Variants in NLGN1 observed in about 807,000 individuals in gnomAD.
NLGN1 encodes neuroligin-1.
In NLGN1, 12 loss-of-function variants were observed where a neutral mutation model predicts 65.5. The ratio of observed to expected loss-of-function variants is 0.18; its 90% CI spans 0.12 to 0.30. The LOEUF (loss-of-function observed/expected upper bound fraction) is 0.30. Ranked by LOEUF, NLGN1 falls within the 10% of genes least tolerant of loss-of-function variation. The probability of loss-of-function intolerance (pLI) is 1.00; values close to 1 mark genes in which losing one functional copy is unlikely to be tolerated. For missense variants in NLGN1, 750 were observed against 1,007.1 expected (o/e 0.74, Z 3.46); for synonymous variants, 350 against 359.5 (o/e 0.97, Z 0.30).
intron 3 of NLGN1, among the ~76,000 whole-genome samples, chr3:173,747,795 C>CTTCTTTTT (rs1560289220): frequency 1.7e-4 from 13 of 78,606 alleles, no homozygotes; most frequent in African/African-American, 8.1e-4. Context: ...TCTTCTTCTT[C>CTTCTTTTT]TTGTTCTTTT....
At chr3:173,711,185 G>T (rs559872324) in intron 3 of NLGN1, among the ~76,000 whole-genome samples, 57 of 152,242 alleles carry the variant, frequency 3.7e-4, no homozygotes, top group African/African-American at 1.3e-3. Flanking sequence ...ACATAGTTTT[G>T]TTAACCTCAT....
chr3:173,511,417 G>A (rs988300224), intron 2 of NLGN1, among the ~76,000 whole-genome samples: 6 of 151,872 alleles, frequency 4.0e-5, no homozygotes, highest in African/African-American at 7.3e-5. Context: ...TAACATTAGG[G>A]TACATTCTAA....
chr3:174,206,499 G>C (rs1735450075), intron 4 of NLGN1, among the ~76,000 whole-genome samples: 1 of 152,036 alleles, frequency 6.6e-6, no homozygotes, highest in South Asian at 2.1e-4. Flanking sequence ...TCTCATCCCT[G>C]CTGTCCACCA....
intron 4 of NLGN1, among the ~76,000 whole-genome samples, chr3:174,085,678 GAT>G (rs1743092060): frequency 6.7e-6 from 1 of 148,612 alleles, no homozygotes; most frequent in African/African-American, 2.5e-5. Flanking sequence ...AAAGAAAGTG[GAT>G]ATGTTTTTCT....
At chr3:173,790,850 C>T (rs1388340323) in intron 3 of NLGN1, among the ~76,000 whole-genome samples, 2 of 152,020 alleles carry the variant, frequency 1.3e-5, no homozygotes, top group Non-Finnish European at 2.9e-5. Flanking sequence ...GGCATTGTCT[C>T]CTGAGATGCT....
intron 3 of NLGN1, among the ~76,000 whole-genome samples, chr3:173,722,845 G>C (rs1172545955): frequency 6.6e-6 from 1 of 152,076 alleles, no homozygotes; most frequent in East Asian, 1.9e-4. Context: ...CATCTACTAT[G>C]TGCCAGGCAC....
chr3:174,015,052 A>G (rs1294365701), intron 4 of NLGN1, among the ~76,000 whole-genome samples: 1 of 152,192 alleles, frequency 6.6e-6, no homozygotes, highest in Non-Finnish European at 1.5e-5. Context: ...GGAGAAAAGC[A>G]TAGTCTTATT....
chr3:173,625,528 GTC>G (rs939366170), intron 3 of NLGN1, among the ~76,000 whole-genome samples: 1 of 152,126 alleles, frequency 6.6e-6, no homozygotes, highest in Non-Finnish European at 1.5e-5. Context: ...AGTGGAGAAA[GTC>G]TCTGTCTTCC....
At chr3:173,465,957 C>A (rs1005878346) in intron 2 of NLGN1, among the ~76,000 whole-genome samples, 5 of 152,106 alleles carry the variant, frequency 3.3e-5, no homozygotes, top group Non-Finnish European at 5.9e-5. Context: ...AGCTAGATTA[C>A]ATGTCAGTAA....
chr3:174,168,395 T>C (rs1375178634), intron 4 of NLGN1, among the ~76,000 whole-genome samples: 1 of 152,196 alleles, frequency 6.6e-6, no homozygotes, highest in East Asian at 1.9e-4. Context: ...TCTTCTTCTA[T>C]AATATTGTTT....
chr3:173,814,349 G>A (rs1718599397), intron 4 of NLGN1, among the ~76,000 whole-genome samples: 1 of 152,202 alleles, frequency 6.6e-6, no homozygotes, highest in Admixed American at 6.5e-5. Context: ...TGTCAACTGG[G>A]TTTTAATAAG....
chr3:174,255,754 G>A (rs1745631077), intron 4 of NLGN1, among the ~76,000 whole-genome samples: 1 of 151,532 alleles, frequency 6.6e-6, no homozygotes, highest in Admixed American at 6.6e-5. Flanking sequence ...TGATTCCTGG[G>A]CTCAAATGAT....
chr3:173,542,136 A>T (rs1300042369), intron 2 of NLGN1, among the ~76,000 whole-genome samples: 2 of 152,070 alleles, frequency 1.3e-5, no homozygotes, highest in East Asian at 3.9e-4. Context: ...GGTTTATTTT[A>T]AAATTATTTT....
At chr3:173,759,822 C>A (rs1192860287) in intron 3 of NLGN1, among the ~76,000 whole-genome samples, 1 of 151,672 alleles carries the variant, frequency 6.6e-6, no homozygotes, top group Non-Finnish European at 1.5e-5. Flanking sequence ...TTTTTATTAT[C>A]TGCATTATTT....
At chr3:173,600,444 C>T (rs1308295329) in intron 2 of NLGN1, among the ~76,000 whole-genome samples, 1 of 151,992 alleles carries the variant, frequency 6.6e-6, no homozygotes, top group African/African-American at 2.4e-5. Flanking sequence ...TTTTCATATA[C>T]ATTTTATGAG....
At chr3:174,175,664 T>C (rs1453795256) in intron 4 of NLGN1, among the ~76,000 whole-genome samples, 2 of 151,982 alleles carry the variant, frequency 1.3e-5, no homozygotes, top group East Asian at 1.9e-4. Context: ...CTGAGTGCTA[T>C]AGCATTTATA....
chr3:173,590,957 A>G (rs913930187), intron 2 of NLGN1, among the ~76,000 whole-genome samples: 4 of 152,126 alleles, frequency 2.6e-5, no homozygotes, highest in Admixed American at 2.0e-4. Context: ...ATTTTCTTCC[A>G]TGAAGAAAAT....
intron 3 of NLGN1, among the ~76,000 whole-genome samples, chr3:173,726,604 C>A (rs1381541459): frequency 6.6e-6 from 1 of 152,062 alleles, no homozygotes; most frequent in African/African-American, 2.4e-5. Context: ...TGGCTTGTGG[C>A]CTGTCACCTT....
At chr3:174,054,948 A>G (rs1735724265) in intron 4 of NLGN1, among the ~76,000 whole-genome samples, 1 of 151,864 alleles carries the variant, frequency 6.6e-6, no homozygotes. Flanking sequence ...TCCTTCCTGT[A>G]ATGACCCTTT....
Sources: allele counts gnomAD v4.1 joint callset (sites outside exome capture counted in the v4.1 genomes callset), GRCh38; gene constraint gnomAD v4.1.1; transcripts MANE v1.5; gene names NCBI Gene and HGNC (gene_info 2026-07-23, HGNC 2026-07-21).